DEPDC1B: variants seen among roughly 807,000 people sequenced by gnomAD.
The protein encoded by DEPDC1B is DEP domain containing 1B.
DEPDC1B carries 51 observed loss-of-function variants against 66.5 expected under a neutral mutation model. That is an observed-to-expected ratio of 0.77 (90% CI 0.61 to 0.97). The LOEUF (loss-of-function observed/expected upper bound fraction) is 0.97, where lower values mean the gene tolerates loss of function less well. Among genes scored for constraint, DEPDC1B ranks in the 50% least tolerant of loss-of-function variants. The probability of loss-of-function intolerance (pLI) is 0.00; values close to 1 mark genes in which losing one functional copy is unlikely to be tolerated. For missense variants in DEPDC1B, 552 were observed against 637.1 expected, an observed-to-expected ratio of 0.87 and a Z score of 1.44; for synonymous variants, 226 against 223.6, an observed-to-expected ratio of 1.01 and a Z score of -0.10.
At chr5:60,671,271 T>G (rs1332421896) in intron 2 of DEPDC1B, among the ~76,000 whole-genome samples, 1 of 152,178 alleles carries the variant, frequency 6.6e-6, no homozygotes, top group Non-Finnish European at 1.5e-5. Context: ...AATTTCCATC[T>G]TCTAGGTTTC....
At chr5:60,630,803 G>C (rs1752908380) in intron 7 of DEPDC1B, 1 of 155,570 alleles carries the variant, frequency 6.4e-6, no homozygotes, top group Non-Finnish European at 1.5e-5. Context: ...ATGAGCGCAA[G>C]AACTCCTACT....
At chr5:60,615,367 C>G (rs1327207921) in intron 7 of DEPDC1B, among the ~76,000 whole-genome samples, 3 of 152,206 alleles carry the variant, frequency 2.0e-5, no homozygotes. Flanking sequence ...ACCTGGGAAG[C>G]ACAAGGGGTC....
chr5:60,657,589 TA>T (rs1685892079), intron 2 of DEPDC1B, among the ~76,000 whole-genome samples: 1 of 152,216 alleles, frequency 6.6e-6, no homozygotes, highest in Non-Finnish European at 1.5e-5. Context: ...GGCTGATAAT[TA>T]TTTTGTTTAA....
rs569188782 is a variant in DEPDC1B, at chr5:60,642,024, T to C, written c.757+788A>G. Reference sequence around the variant, plus strand: ...TTCCCCACATTAAGCTTAAGAGTTATTTTAGTTTCATTCTATAATCAAACA... The same window carrying C: ...TTCCCCACATTAAGCTTAAGAGTTACTTTAGTTTCATTCTATAATCAAACA... On this transcript the variant is annotated intron_variant, in intron 6 of 10. Coordinates refer to ENST00000265036, the MANE Select transcript of DEPDC1B (RefSeq NM_018369.3). Among the ~76,000 whole-genome samples the C allele has an allele frequency of 2.3e-4, 35 of 152,328 alleles. No homozygotes were observed. The South Asian group carries it at 7.3e-3, about 32-fold the overall frequency.
chr5:60,650,760 G>T (rs1417336425), intron 2 of DEPDC1B, among the ~76,000 whole-genome samples: 1 of 152,074 alleles, frequency 6.6e-6, no homozygotes, highest in African/African-American at 2.4e-5. Flanking sequence ...ATTTCCAAAG[G>T]TGTTTACAAT....
At position 60,599,078 on chromosome 5, in the gene DEPDC1B, C is replaced by T. The variant is rs1291294417; in HGVS notation, c.1425G>A (p.Lys475=). ...CTTATAAAGAATATCCTTTTACCTG[C>T]TTCAGTTTCTTCTTTTTCTCTTTGT... ...LSNKEKKKKL[K]QFQKSYPEVY... The change falls in exon 10 of 11, where the codon AAG becomes AAA. Residue 475 remains lysine (K), a synonymous_variant. Coordinates refer to ENST00000265036, the MANE Select transcript of DEPDC1B (RefSeq NM_018369.3). 3.8e-6 allele frequency: 6 copies of T among 1,583,288 alleles called. No individual in the cohort carries two copies. The highest frequency in any genetic ancestry group is 1.9e-5 in the Admixed American group (1 of 52,964).
At chr5:60,598,980 G>A in intron 10 of DEPDC1B, 95 bp downstream of exon 10, 1 of 1,093,194 alleles carries the variant, frequency 9.1e-7, no homozygotes, top group East Asian at 2.7e-5. Context: ...CTATGGCTCA[G>A]AAGATGAGAT....
At chr5:60,645,740 A>G in intron 3 of DEPDC1B, 121 bp from the exon 4 acceptor site, 1 of 1,047,042 alleles carries the variant, frequency 9.6e-7, no homozygotes, top group Non-Finnish European at 1.3e-6. Flanking sequence ...GTTACTTGTA[A>G]CTTGATTTAA....
chr5:60,684,324 G>C (rs1461428137), intron 2 of DEPDC1B, among the ~76,000 whole-genome samples: 2 of 152,110 alleles, frequency 1.3e-5, no homozygotes, highest in African/African-American at 4.8e-5. Flanking sequence ...AAAGCTGACA[G>C]CATCACACTA....
chr5:60,638,906 G>A lies in DEPDC1B; in HGVS notation c.758-16C>T, dbSNP rs1188339305. On this transcript the variant is annotated splice_polypyrimidine_tract_variant and intron_variant, in intron 6 of 10. Transcript: ENST00000265036. The stretch of plus-strand genomic sequence containing the variant: ...CAGTTGGGCCCTATTTTCAAAAAGA[G>A]AGTGAAAGAGAAACATTAATGGAGT... The A allele has an allele frequency of 1.2e-6, 2 of 1,606,632 alleles. No homozygotes were observed. Among genetic ancestry groups the A allele is most frequent in the Admixed American group, 3.4e-5 (2 of 58,066 alleles).
At chr5:60,599,397 A>C in intron 9 of DEPDC1B, 137 bp from the exon 10 acceptor site, 1 of 514,472 alleles carries the variant, frequency 1.9e-6, no homozygotes, top group Non-Finnish European at 3.1e-6. Context: ...ATTGGGGGAA[A>C]CTCTATATTG....
intron 3 of DEPDC1B, 82 bp from the exon 4 acceptor site, chr5:60,645,701 G>A: frequency 7.4e-7 from 1 of 1,360,504 alleles, no homozygotes; most frequent in South Asian, 1.8e-5. Flanking sequence ...TAAGGTGGTG[G>A]GATTTTTATG....
chr5:60,656,754 C>T (rs113651081), intron 2 of DEPDC1B, among the ~76,000 whole-genome samples: 1,889 of 152,252 alleles, frequency 0.012, 16 homozygotes, highest in Non-Finnish European at 0.02. Flanking sequence ...CTCATGAGAA[C>T]TCACTCTCAG....
rs917782489 is a variant in DEPDC1B, at chr5:60,657,915, C to T, written c.315-10382G>A. On this transcript the variant is annotated intron_variant, in intron 2 of 10. Transcript: ENST00000265036. ...AGACTTTTAGATTTCTCTTCTTCCT[C>T]AGGAAGACCAATTACTCTTAGGTTT... Among the ~76,000 whole-genome samples, 21 of 152,214 alleles carry T rather than the reference C, an allele frequency of 1.4e-4. 1 individual carries two copies. The highest frequency in any genetic ancestry group is 8.5e-4 in the Admixed American group (13 of 15,284).
intron 2 of DEPDC1B, among the ~76,000 whole-genome samples, chr5:60,659,520 C>T (rs143389375): frequency 0.011 from 1,639 of 152,320 alleles, 14 homozygotes; most frequent in South Asian, 0.034. Flanking sequence ...CTGGAACCAG[C>T]TTCCACTTTC....
Position 60,638,790 on chromosome 5 carries a change from T to TC in DEPDC1B, c.857_858insG (p.Leu287ThrfsTer7), listed in dbSNP as rs1753118039. ...AAGCATCAAAAAGATGAAATGTAAG[T>TC]AGAGGCTCTTTCAAGTGACCATAGT... is the stretch of plus-strand genomic sequence containing the variant. On this transcript the variant is annotated frameshift_variant, in exon 7 of 11. Transcript: ENST00000265036. LOFTEE classifies it high-confidence loss of function. The TC allele has an allele frequency of 3.1e-6, 5 of 1,612,158 alleles. No individual in the cohort carries two copies. In the South Asian group the frequency reaches 5.5e-5, roughly 18 times the overall value.
chr5:60,614,922 C>G (rs950294670), intron 7 of DEPDC1B, among the ~76,000 whole-genome samples: 1 of 152,128 alleles, frequency 6.6e-6, no homozygotes, highest in Admixed American at 6.5e-5. Context: ...ACCTGGGAAG[C>G]AGAGGTTGCT....
At chr5:60,642,263 G>A (rs1753207205) in intron 6 of DEPDC1B, among the ~76,000 whole-genome samples, 1 of 152,158 alleles carries the variant, frequency 6.6e-6, no homozygotes, top group Non-Finnish European at 1.5e-5. Context: ...AAAATTATTT[G>A]TTTGGGTTAA....
intron 2 of DEPDC1B, among the ~76,000 whole-genome samples, chr5:60,673,787 G>A (rs1447841020): frequency 1.3e-5 from 2 of 152,140 alleles, no homozygotes; most frequent in Non-Finnish European, 1.5e-5. Flanking sequence ...TTGTTTCTAG[G>A]TCAATAATAT....
Sources: gnomAD v4.1 joint callset for allele counts (sites outside exome capture counted in the v4.1 genomes callset) on GRCh38, gnomAD v4.1.1 for gene constraint, MANE v1.5 for transcripts, NCBI Gene and HGNC (gene_info 2026-07-23, HGNC 2026-07-21) for gene names.